The following ACSS3 variants were observed in gnomAD, a reference collection of about 807,000 sequenced individuals.
ACSS3 encodes the protein acyl-CoA synthetase short chain family member 3.
Under a neutral mutation model 84.2 loss-of-function variants are expected in ACSS3, and 64 were observed. That is an observed-to-expected ratio of 0.76 (90% CI 0.62 to 0.94). ACSS3 has a LOEUF of 0.94. ACSS3 is among the 40% of genes least tolerant of loss of function. The pLI, the probability that ACSS3 is intolerant of heterozygous loss-of-function variation, is 0.00. For missense variants in ACSS3, 815 were observed against 867.6 expected, an observed-to-expected ratio of 0.94 and a Z score of 0.76; for synonymous variants, 317 against 310.1, an observed-to-expected ratio of 1.02 and a Z score of -0.23.
intron 7 of ACSS3, among the ~76,000 whole-genome samples, chr12:81,167,919 G>A (rs1887478738): frequency 6.6e-6 from 1 of 152,152 alleles, no homozygotes. Context: ...CAAGCCTGAG[G>A]AATTGCAACT....
intron 2 of ACSS3, among the ~76,000 whole-genome samples, chr12:81,124,881 A>G (rs1437203574): frequency 3.3e-5 from 5 of 152,140 alleles, no homozygotes; most frequent in African/African-American, 1.2e-4. Flanking sequence ...CTGTTAATCT[A>G]TCTTATACCT....
At chr12:81,114,192 A>G (rs928728096) in intron 2 of ACSS3, among the ~76,000 whole-genome samples, 3 of 152,146 alleles carry the variant, frequency 2.0e-5, no homozygotes, top group African/African-American at 7.2e-5. Flanking sequence ...TGATAAAACC[A>G]ATTATGTGTT....
intron 1 of ACSS3, among the ~76,000 whole-genome samples, chr12:81,084,309 G>A (rs1881179536): frequency 6.6e-6 from 1 of 152,168 alleles, no homozygotes; most frequent in Non-Finnish European, 1.5e-5. Context: ...TGGGAAACAT[G>A]GAGTAATGAG....
intron 9 of ACSS3, among the ~76,000 whole-genome samples, chr12:81,203,885 T>G (rs2032223186): frequency 6.6e-6 from 1 of 152,158 alleles, no homozygotes; most frequent in African/African-American, 2.4e-5. Context: ...TTTCGTTTTA[T>G]TTTTTACCCA....
chr12:81,188,969 T>C (rs191550076), intron 8 of ACSS3, among the ~76,000 whole-genome samples: 7 of 152,176 alleles, frequency 4.6e-5, no homozygotes, highest in African/African-American at 1.7e-4. Context: ...TCAAAAAGAA[T>C]ATATTAACTT....
At chr12:81,202,930 T>A (rs2032174218) in intron 9 of ACSS3, among the ~76,000 whole-genome samples, 1 of 152,146 alleles carries the variant, frequency 6.6e-6, no homozygotes, top group South Asian at 2.1e-4. Context: ...TAGATACAGA[T>A]ATATGAGAGG....
At chr12:81,097,177 A>C (rs1487318790) in intron 1 of ACSS3, among the ~76,000 whole-genome samples, 7 of 152,180 alleles carry the variant, frequency 4.6e-5, no homozygotes, top group African/African-American at 1.7e-4. Context: ...CCATTGTCAC[A>C]GAAATTACTA....
intron 9 of ACSS3, among the ~76,000 whole-genome samples, chr12:81,203,662 C>G (rs1274524914): frequency 2.0e-5 from 3 of 152,130 alleles, no homozygotes. Context: ...TGTTCACCAC[C>G]ACTGAAGCAT....
chr12:81,200,955 A>G (rs886195699), intron 9 of ACSS3, among the ~76,000 whole-genome samples: 8 of 151,966 alleles, frequency 5.3e-5, no homozygotes, highest in Admixed American at 5.2e-4. Context: ...CCTTTGTAAT[A>G]TGAAATATAA....
intron 15 of ACSS3, 36 bp downstream of exon 15, chr12:81,253,706 G>C: frequency 1.3e-6 from 2 of 1,583,054 alleles, no homozygotes; most frequent in Non-Finnish European, 1.7e-6. Context: ...TGGGTTCTAA[G>C]ATATTTTTCT....
intron 13 of ACSS3, among the ~76,000 whole-genome samples, chr12:81,251,613 C>T (rs2034153430): frequency 7.0e-6 from 1 of 143,436 alleles, no homozygotes; most frequent in South Asian, 2.2e-4. Context: ...AGGTAGATTG[C>T]TTGAGCCCAG....
At position 81,260,281 on chromosome 12, in the gene ACSS3, G is replaced by A. The variant is rs1368218871; in HGVS notation, c.*5359G>A. 2.6e-5 allele frequency: 4 copies of A among 152,138 alleles called. No individual in the cohort carries two copies. In the East Asian group the frequency reaches 7.7e-4, roughly 29 times the overall value. 9.4% of individuals were successfully genotyped at this position (152,138 alleles called of 1,614,324 possible). ...TGTCCTAGATTGAATTATTGTAAAT[G>A]AATACTGTTATCCCAATTAATGGTA... On this transcript the variant is annotated 3_prime_UTR_variant, in exon 16 of 16. Coordinates refer to ENST00000548058, the MANE Select transcript of ACSS3 (RefSeq NM_024560.4).
chr12:81,118,143 C>T (rs1884206993), intron 2 of ACSS3: 1 of 152,080 alleles, frequency 6.6e-6, no homozygotes, highest in African/African-American at 2.4e-5. Context: ...CATAATTAAA[C>T]ATTTACTTAA....
chr12:81,122,655 C>G (rs746432021), intron 2 of ACSS3, among the ~76,000 whole-genome samples: 1 of 152,032 alleles, frequency 6.6e-6, no homozygotes, highest in Admixed American at 6.5e-5. Flanking sequence ...AGATTCTGTA[C>G]CTTTTCAAAC....
chr12:81,203,019 C>T (rs1156931775), intron 9 of ACSS3, among the ~76,000 whole-genome samples: 2 of 152,106 alleles, frequency 1.3e-5, no homozygotes, highest in Non-Finnish European at 2.9e-5. Context: ...GTTTGAGACC[C>T]TGGAATTCTG....
intron 9 of ACSS3, among the ~76,000 whole-genome samples, chr12:81,213,918 T>TTCCG: frequency 1.0e-5 from 1 of 98,032 alleles, no homozygotes; most frequent in East Asian, 4.6e-4. Context: ...CCTTCCTTCC[T>TTCCG]TCCTTCCTTC....
chr12:81,199,908 G>T (rs1387748141), intron 9 of ACSS3: 12 of 306,536 alleles, frequency 3.9e-5, no homozygotes. Context: ...ATGAAGGCTT[G>T]TTCCTCTCAT....
intron 4 of ACSS3, among the ~76,000 whole-genome samples, chr12:81,141,024 G>T (rs950155827): frequency 6.6e-6 from 1 of 152,004 alleles, no homozygotes; most frequent in African/African-American, 2.4e-5. Context: ...CCAAAGTCAC[G>T]GCTACTAAGT....
rs2035121602 is a variant in ACSS3 at position 81,260,616 on chromosome 12, T to C, written c.*5694T>C. The C allele has an allele frequency of 6.6e-6, 1 of 152,184 alleles. No homozygotes were observed. The highest frequency in any genetic ancestry group is 2.1e-4 in the South Asian group (1 of 4,838). 9.4% of individuals were successfully genotyped at this position (152,184 alleles called of 1,614,324 possible). A position where few individuals can be genotyped will look rare whatever the true frequency, so the allele number is the denominator to read the frequency against. ...GGGTTGTACATTCTGAAATTAAATCTCTTATCGGGATGCTTTTCATTTTAT... is the reference window on the plus strand; with the variant it reads ...GGGTTGTACATTCTGAAATTAAATCCCTTATCGGGATGCTTTTCATTTTAT... On this transcript the variant is annotated 3_prime_UTR_variant, in exon 16 of 16. Transcript: ENST00000548058.
Sources: allele counts gnomAD v4.1 joint callset (sites outside exome capture counted in the v4.1 genomes callset), GRCh38; gene constraint gnomAD v4.1.1; transcripts MANE v1.5; gene names NCBI Gene and HGNC (gene_info 2026-07-23, HGNC 2026-07-21).